Variants in RAPGEF2 observed in about 807,000 individuals in gnomAD.
RAPGEF2 encodes PDZ domain containing guanine nucleotide exchange factor (GEF) 1.
RAPGEF2 carries 54 observed loss-of-function variants against 186.7 expected under a neutral mutation model. The observed-to-expected ratio is 0.29, with a 90% CI of 0.23 to 0.36. The LOEUF (loss-of-function observed/expected upper bound fraction) is 0.36. Ranked by LOEUF, RAPGEF2 falls within the 10% of genes least tolerant of loss-of-function variation. The pLI is 1.00. For synonymous variants in RAPGEF2, 712 were observed against 705.9 expected (o/e 1.01, Z -0.14); for missense variants, 1,532 against 2,045.0 (o/e 0.75, Z 4.84).
At chr4:159,333,256 G>A (rs1431232180) in intron 17 of RAPGEF2, among the ~76,000 whole-genome samples, 1 of 152,128 alleles carries the variant, frequency 6.6e-6, no homozygotes, top group Non-Finnish European at 1.5e-5. Context: ...GGGATTGCAG[G>A]TGTGAGCCAC....
chr4:159,357,282 G>A (rs1183900432), intron 29 of RAPGEF2, among the ~76,000 whole-genome samples: 1 of 152,198 alleles, frequency 6.6e-6, no homozygotes, highest in African/African-American at 2.4e-5. Context: ...GATCACTTGA[G>A]CCCAGGAGTT....
chr4:159,344,900 A>G (rs1440117843), intron 23 of RAPGEF2, among the ~76,000 whole-genome samples: 2 of 152,240 alleles, frequency 1.3e-5, no homozygotes, highest in Non-Finnish European at 2.9e-5. Flanking sequence ...GGTGCCAAAC[A>G]TAAATTTTTA....
chr4:159,227,856 T>C (rs1752203261), intron 4 of RAPGEF2, among the ~76,000 whole-genome samples: 1 of 152,170 alleles, frequency 6.6e-6, no homozygotes, highest in African/African-American at 2.4e-5. Flanking sequence ...TTTTCCATGG[T>C]AATCCCTCAG....
chr4:159,297,365 T>C (rs901943030), intron 7 of RAPGEF2, among the ~76,000 whole-genome samples: 13 of 152,338 alleles, frequency 8.5e-5, no homozygotes, highest in African/African-American at 3.1e-4. Context: ...GTAGCATATG[T>C]CTGTGCCAAA....
chr4:159,196,946 T>C (rs1366854399), intron 3 of RAPGEF2, among the ~76,000 whole-genome samples: 1 of 152,240 alleles, frequency 6.6e-6, no homozygotes, highest in Non-Finnish European at 1.5e-5. Context: ...CAAATTGTGT[T>C]GGTTTGCATT....
chr4:159,117,903 T>G (rs1002805854), intron 1 of RAPGEF2, among the ~76,000 whole-genome samples: 2 of 152,068 alleles, frequency 1.3e-5, no homozygotes, highest in Non-Finnish European at 2.9e-5. Context: ...TTTACTGTCA[T>G]AAAAATAGGA....
In RAPGEF2 at chr4:159,343,117, T is replaced by C. The variant is rs1183804556; in HGVS notation, c.3057T>C (p.Asn1019=). The change falls in exon 21 of 30, where the codon AAT becomes AAC. Residue 1019 remains asparagine (N), a synonymous_variant. Transcript: ENST00000691494. ...RNMAKYRNVL[N]SQNLQPPIIP... ...TGGCAAAATATCGTAATGTTCTCAA[T>C]AGTCAAAATCTACAACCTCCCATAA... is the stretch of plus-strand genomic sequence containing the variant. The C allele has an allele frequency of 1.2e-6, 2 of 1,614,008 alleles. No individual in the cohort carries two copies. Among genetic ancestry groups the C allele is most frequent in the African/African-American group, 2.7e-5 (2 of 74,936 alleles).
intron 1 of RAPGEF2, among the ~76,000 whole-genome samples, chr4:159,157,729 G>T (rs1011288277): frequency 1.3e-5 from 2 of 152,198 alleles, no homozygotes; most frequent in Admixed American, 1.3e-4. Flanking sequence ...GGTTTTCCTT[G>T]TTAATCATAA....
At chr4:159,358,083 G>A in intron 29 of RAPGEF2, 31 bp from the exon 30 acceptor site, 1 of 1,606,418 alleles carries the variant, frequency 6.2e-7, no homozygotes, top group African/African-American at 1.3e-5. Context: ...CTTGCTCATT[G>A]ATTTCTTTTT....
chr4:159,295,408 G>A (rs1044295177), intron 7 of RAPGEF2, among the ~76,000 whole-genome samples: 1 of 152,196 alleles, frequency 6.6e-6, no homozygotes, highest in African/African-American at 2.4e-5. Context: ...ATTTGTGTGT[G>A]TGTGTGTATG....
chr4:159,157,667 G>A (rs537779722), intron 1 of RAPGEF2, among the ~76,000 whole-genome samples: 7 of 152,154 alleles, frequency 4.6e-5, no homozygotes, highest in African/African-American at 9.7e-5. Context: ...CACCAAGTCC[G>A]TTCTTCAGGG....
chr4:159,105,712 G>A (rs1011712388), intron 1 of RAPGEF2, among the ~76,000 whole-genome samples: 2 of 152,136 alleles, frequency 1.3e-5, no homozygotes, highest in African/African-American at 4.8e-5. Flanking sequence ...ATGGTCAGTT[G>A]GATCAGTCTT....
In RAPGEF2 at chr4:159,339,162, G is replaced by A. The variant is rs1268693009; in HGVS notation, c.2342G>A (p.Arg781His). Residue 781 changes from arginine (R) to histidine (H), a missense_variant, in exon 19 of 30, where the codon CGC becomes CAC. Physicochemically the swap from Arg to His is conservative, Grantham distance 29. Transcript: ENST00000691494. Reference protein sequence around the residue: ...LRVFKADQQSRYIMISKDTTA... With the variant: ...LRVFKADQQSHYIMISKDTTA... ...GTTTTTAAGGCTGATCAGCAAAGCC[G>A]CTACATCATGATCAGTAAGGACACT... The A allele has an allele frequency of 3.1e-6, 5 of 1,614,058 alleles. No homozygotes were observed. The highest frequency in any genetic ancestry group is 3.4e-6 in the Non-Finnish European group (4 of 1,179,986).
intron 1 of RAPGEF2, among the ~76,000 whole-genome samples, chr4:159,111,349 C>A (rs1738474444): frequency 1.3e-5 from 2 of 152,206 alleles, no homozygotes; most frequent in African/African-American, 4.8e-5. Flanking sequence ...GCTGTTGTTT[C>A]TCATTGCTTG....
intron 9 of RAPGEF2, among the ~76,000 whole-genome samples, chr4:159,319,395 A>G (rs1452937927): frequency 6.6e-6 from 1 of 152,176 alleles, no homozygotes; most frequent in Non-Finnish European, 1.5e-5. Flanking sequence ...CTGAGGCAGA[A>G]CAGTTTCATC....
At chr4:159,322,324 A>G (rs1333525070) in intron 9 of RAPGEF2, 23 bp from the exon 10 acceptor site, 1 of 1,605,598 alleles carries the variant, frequency 6.2e-7, no homozygotes, top group Non-Finnish European at 8.5e-7. Context: ...TAGTTTTTAC[A>G]AAGTATGTCT....
chr4:159,193,799 T>A (rs1748357764), intron 3 of RAPGEF2, among the ~76,000 whole-genome samples: 2 of 152,242 alleles, frequency 1.3e-5, no homozygotes, highest in South Asian at 4.1e-4. Flanking sequence ...TAACATAAAT[T>A]ATGATTTATT....
chr4:159,197,361 A>T (rs1183622927), intron 3 of RAPGEF2, among the ~76,000 whole-genome samples: 1 of 152,166 alleles, frequency 6.6e-6, no homozygotes, highest in Non-Finnish European at 1.5e-5. Context: ...TTTAATATAT[A>T]ATTACATTTA....
At chr4:159,209,595 C>T (rs1011689325) in intron 3 of RAPGEF2, among the ~76,000 whole-genome samples, 2 of 152,208 alleles carry the variant, frequency 1.3e-5, no homozygotes, top group African/African-American at 4.8e-5. Context: ...ATATCCTAAA[C>T]ATCCAGAAAA....
Sources: gnomAD v4.1 joint callset for allele counts (sites outside exome capture counted in the v4.1 genomes callset) on GRCh38, gnomAD v4.1.1 for gene constraint, MANE v1.5 for transcripts, NCBI Gene and HGNC (gene_info 2026-07-23, HGNC 2026-07-21) for gene names.